Variants in MCU observed in about 807,000 individuals in gnomAD.
The protein encoded by MCU is calcium uniporter protein, mitochondrial.
MCU carries 12 observed loss-of-function variants against 45.2 expected under a neutral mutation model. The ratio of observed to expected loss-of-function variants is 0.27; its 90% confidence interval spans 0.17 to 0.43. The LOEUF (loss-of-function observed/expected upper bound fraction) is 0.43, where lower values mean the gene tolerates loss of function less well. MCU is among the 20% of genes least tolerant of loss of function. The probability of loss-of-function intolerance (pLI) is 1.00; values close to 1 mark genes in which losing one functional copy is unlikely to be tolerated. For missense variants in MCU, 324 were observed against 436.7 expected, an observed-to-expected ratio of 0.74 and a Z score of 2.30; for synonymous variants, 160 against 165.1, an observed-to-expected ratio of 0.97 and a Z score of 0.24.
At chr10:72,705,533 A>C (rs1456335659) in intron 1 of MCU, among the ~76,000 whole-genome samples, 2 of 150,490 alleles carry the variant, frequency 1.3e-5, no homozygotes, top group Non-Finnish European at 1.5e-5. Flanking sequence ...AATACAAAAA[A>C]AAGACTGGGC....
chr10:72,721,239 T>C (rs1023884149), intron 1 of MCU: 1 of 154,160 alleles, frequency 6.5e-6, no homozygotes, highest in African/African-American at 2.4e-5. Context: ...CAGTAGCTTC[T>C]GATCTCACTC....
intron 1 of MCU, among the ~76,000 whole-genome samples, chr10:72,769,684 A>G (rs1423126224): frequency 6.6e-6 from 1 of 152,134 alleles, no homozygotes; most frequent in Admixed American, 6.5e-5. Context: ...TAGTATAATC[A>G]CAGTTGTACA....
intron 6 of MCU, among the ~76,000 whole-genome samples, chr10:72,877,454 T>C (rs1243317527): frequency 1.3e-5 from 2 of 152,160 alleles, no homozygotes; most frequent in Non-Finnish European, 2.9e-5. Context: ...TTTTATTCAT[T>C]TTAAAAAGGC....
At chr10:72,814,839 A>G (rs1278131324) in intron 1 of MCU, among the ~76,000 whole-genome samples, 1 of 152,238 alleles carries the variant, frequency 6.6e-6, no homozygotes, top group African/African-American at 2.4e-5. Flanking sequence ...ATCTGTTACA[A>G]AAAATAAGAA....
intron 1 of MCU, among the ~76,000 whole-genome samples, chr10:72,717,125 C>T (rs1396755197): frequency 9.3e-6 from 1 of 107,562 alleles, no homozygotes; most frequent in Non-Finnish European, 2.0e-5. Context: ...CTCTCTCTCT[C>T]TCTTTTTTTT....
chr10:72,821,583 C>A (rs1339658003), intron 1 of MCU, among the ~76,000 whole-genome samples: 2 of 152,084 alleles, frequency 1.3e-5, no homozygotes, highest in African/African-American at 4.8e-5. Context: ...TTCTGCTTGA[C>A]TTTTACTCCA....
At chr10:72,868,619 G>A (rs1845494205) in intron 4 of MCU, 84 bp from the exon 5 acceptor site, 1 of 1,244,122 alleles carries the variant, frequency 8.0e-7, no homozygotes, top group African/African-American at 1.5e-5. Flanking sequence ...TACCTATAAT[G>A]GATGAATCTG....
chr10:72,740,317 TG>T (rs1284181270), intron 1 of MCU, among the ~76,000 whole-genome samples: 1 of 150,630 alleles, frequency 6.6e-6, no homozygotes, highest in African/African-American at 2.4e-5. Context: ...AGGCAGAGAT[TG>T]CAGTGAGCCA....
At chr10:72,805,097 C>CTT (rs1564562187) in intron 1 of MCU, among the ~76,000 whole-genome samples, 41 of 139,676 alleles carry the variant, frequency 2.9e-4, no homozygotes, top group Non-Finnish European at 3.9e-4. Flanking sequence ...TTCTTTCTTT[C>CTT]TTTCTCTTTC....
At chr10:72,805,149 TTCTTTC>T (rs1249964283) in intron 1 of MCU, among the ~76,000 whole-genome samples, 1 of 139,448 alleles carries the variant, frequency 7.2e-6, no homozygotes, top group East Asian at 2.2e-4. Flanking sequence ...CTTTCTTTCT[TTCTTTC>T]TTTCTGTCTC....
At chr10:72,735,012 G>T (rs1843233304) in intron 1 of MCU, among the ~76,000 whole-genome samples, 2 of 151,612 alleles carry the variant, frequency 1.3e-5, no homozygotes, top group African/African-American at 4.9e-5. Context: ...GGAGGTTGAG[G>T]CTTCAGTGGG....
chr10:72,729,215 A>G (rs1843138930), intron 1 of MCU, among the ~76,000 whole-genome samples: 2 of 152,234 alleles, frequency 1.3e-5, no homozygotes, highest in South Asian at 4.1e-4. Flanking sequence ...CTGTAATCCC[A>G]GCACTTTGGG....
chr10:72,732,882 G>A (rs1290182071), intron 1 of MCU, among the ~76,000 whole-genome samples: 1 of 152,176 alleles, frequency 6.6e-6, no homozygotes, highest in Non-Finnish European at 1.5e-5. Flanking sequence ...TAAATGATAG[G>A]CAAGAGCATC....
chr10:72,710,555 T>G (rs1009880860), intron 1 of MCU, among the ~76,000 whole-genome samples: 14 of 147,814 alleles, frequency 9.5e-5, no homozygotes, highest in Non-Finnish European at 1.3e-4. Flanking sequence ...TTTTTTTTTT[T>G]TTTTTTTTTT....
chr10:72,883,104 A>G (rs1845730312), intron 6 of MCU, among the ~76,000 whole-genome samples: 2 of 152,210 alleles, frequency 1.3e-5, no homozygotes, highest in African/African-American at 4.8e-5. Context: ...TGTTATGCTA[A>G]GTGAAAGAAG....
intron 1 of MCU, chr10:72,731,032 C>T (rs1200247466): frequency 6.6e-6 from 1 of 152,238 alleles, no homozygotes; most frequent in Non-Finnish European, 1.5e-5. Context: ...AAGGGATCCA[C>T]CGGCCTTGGC....
chr10:72,731,747 G>A (rs1055936002), intron 1 of MCU, among the ~76,000 whole-genome samples: 2 of 151,922 alleles, frequency 1.3e-5, no homozygotes, highest in African/African-American at 2.4e-5. Flanking sequence ...TTCACTTTAC[G>A]TAATGTTTTT....
chr10:72,867,083 TC>T, intron 4 of MCU, among the ~76,000 whole-genome samples: 1 of 150,062 alleles, frequency 6.7e-6, no homozygotes, highest in East Asian at 1.9e-4. Flanking sequence ...AGGTGTTGTA[TC>T]CCATTTTACT....
At chr10:72,787,300 G>A (rs765660903) in intron 1 of MCU, among the ~76,000 whole-genome samples, 1 of 152,144 alleles carries the variant, frequency 6.6e-6, no homozygotes, top group East Asian at 1.9e-4. Context: ...ACAGAATCTC[G>A]CTCTGTCGCC....
Sources: gnomAD v4.1 joint callset for allele counts (sites outside exome capture counted in the v4.1 genomes callset) on GRCh38, gnomAD v4.1.1 for gene constraint, MANE v1.5 for transcripts, NCBI Gene and HGNC (gene_info 2026-07-23, HGNC 2026-07-21) for gene names.